Variants in IGSF21 observed in about 807,000 individuals in gnomAD.
IGSF21 encodes immunoglobin superfamily member 21.
In IGSF21, 28 loss-of-function variants were observed where a neutral mutation model predicts 46.8. That is an observed-to-expected ratio of 0.60 (90% CI 0.44 to 0.82). IGSF21 has a LOEUF of 0.82. Ranked by LOEUF, IGSF21 falls within the 40% of genes least tolerant of loss-of-function variation. The pLI is 0.00. For synonymous variants in IGSF21, 284 were observed against 273.6 expected, an observed-to-expected ratio of 1.04 and a Z score of -0.38; for missense variants, 624 against 665.5, an observed-to-expected ratio of 0.94 and a Z score of 0.69.
intron 6 of IGSF21, among the ~76,000 whole-genome samples, chr1:18,372,801 G>A (rs904103655): frequency 4.7e-5 from 7 of 148,934 alleles, no homozygotes; most frequent in African/African-American, 1.7e-4. Context: ...TGAATAGATG[G>A]ATGTTTGGAA....
At chr1:18,120,992 C>A (rs1162694799) in intron 1 of IGSF21, among the ~76,000 whole-genome samples, 1 of 152,166 alleles carries the variant, frequency 6.6e-6, no homozygotes, top group Non-Finnish European at 1.5e-5. Context: ...CACCCTATTT[C>A]ACACGGAGAC....
rs957345670 is a variant in IGSF21 at position 18,155,683 on chromosome 1, A to G, written c.70+47485A>G. ...GACCATCTTGGCAAGCCTGAAATCA[A>G]GAAAGACAGCCAGGCTTGGGGAACT... is the stretch of plus-strand genomic sequence containing the variant. On this transcript the variant is annotated intron_variant, in intron 1 of 9. Transcript: ENST00000251296. Among the ~76,000 whole-genome samples, 6 of 152,252 alleles carry G rather than the reference A, an allele frequency of 3.9e-5. No homozygotes were observed. In the South Asian group the frequency reaches 8.3e-4, roughly 21 times the overall value.
chr1:18,249,778 C>G (rs767783677), intron 2 of IGSF21, among the ~76,000 whole-genome samples: 6 of 152,168 alleles, frequency 3.9e-5, no homozygotes, highest in Non-Finnish European at 7.3e-5. Flanking sequence ...CTCTACTGGC[C>G]CACAGTTGTG....
chr1:18,376,738 C>T (rs1045038663), intron 7 of IGSF21, 62 bp from the exon 8 acceptor site: 2 of 1,497,276 alleles, frequency 1.3e-6, no homozygotes, highest in African/African-American at 2.8e-5. Context: ...GCCCCTGACC[C>T]CTTGCTGATC....
intron 1 of IGSF21, among the ~76,000 whole-genome samples, chr1:18,154,361 T>G (rs1368784365): frequency 2.0e-5 from 3 of 152,004 alleles, no homozygotes; most frequent in Non-Finnish European, 4.4e-5. Context: ...CAGCCCTCTT[T>G]CCTATATCAA....
rs1025401408 is a variant in IGSF21 at position 18,350,840 on chromosome 1, G to A, written c.425-11275G>A. 4.6e-5 allele frequency among the ~76,000 whole-genome samples: 7 copies of A among 152,126 alleles called. No individual in the cohort carries two copies. In the South Asian group the frequency reaches 1.2e-3, roughly 27 times the overall value. The stretch of plus-strand genomic sequence containing the variant: ...GAAAGACGTGGCCACAGAGCCCCCC[G>A]GGAAATCTCCCGCTTGAAGGAAAGC... On this transcript the variant is annotated intron_variant, in intron 4 of 9. Coordinates refer to ENST00000251296, the MANE Select transcript of IGSF21 (RefSeq NM_032880.5).
At chr1:18,254,556 T>G (rs984225901) in intron 2 of IGSF21, among the ~76,000 whole-genome samples, 4 of 152,160 alleles carry the variant, frequency 2.6e-5, no homozygotes, top group East Asian at 1.9e-4. Context: ...TGGGCCCTGG[T>G]CCCTCTTGTC....
intron 1 of IGSF21, among the ~76,000 whole-genome samples, chr1:18,161,446 T>G (rs1011543477): frequency 6.6e-6 from 1 of 152,108 alleles, no homozygotes; most frequent in Non-Finnish European, 1.5e-5. Context: ...AATGCCAGCT[T>G]GAGTCCCAGA....
In IGSF21 at chr1:18,168,592, CCTCT is replaced by C. The variant is rs368021118; in HGVS notation, c.71-59302_71-59299del. On this transcript the variant is annotated intron_variant, in intron 1 of 9. Transcript: ENST00000251296. Reference sequence around the variant, plus strand: ...AGACCCTGTCACTTTATCGCCTGTCCCTCTCTCCTTCTTTCACTCAGCCTTCTCC... The same window carrying C: ...AGACCCTGTCACTTTATCGCCTGTCCCTCCTTCTTTCACTCAGCCTTCTCC... Among the ~76,000 whole-genome samples, 12 of 152,264 alleles carry C rather than the reference CCTCT, an allele frequency of 7.9e-5. 1 individual carries two copies. The highest frequency in any genetic ancestry group is 2.6e-4 in the African/African-American group (11 of 41,542).
chr1:18,362,864 C>G (rs1346116709), intron 5 of IGSF21, among the ~76,000 whole-genome samples: 2 of 152,116 alleles, frequency 1.3e-5, no homozygotes, highest in East Asian at 3.9e-4. Context: ...GCAGGAGGTG[C>G]AGCGTCCAGA....
chr1:18,191,536 G>A (rs1487139052), intron 1 of IGSF21, among the ~76,000 whole-genome samples: 3 of 152,098 alleles, frequency 2.0e-5, no homozygotes, highest in Non-Finnish European at 4.4e-5. Context: ...TCCAGGCAAA[G>A]GGAATGGGAT....
rs10557379 is a variant in IGSF21 at position 18,187,220 on chromosome 1, CAG to C, written c.71-40656_71-40655del. Among the ~76,000 whole-genome samples, 142 of 150,498 alleles carry C rather than the reference CAG, an allele frequency of 9.4e-4. No homozygotes were observed. In the Middle Eastern group the frequency reaches 0.017, roughly 18 times the overall value. ...TCTGAATATGGCAGAGAGAGAGATACAGAGAGAGAGAGAGAGAGAGAGAAAGA... is the reference window on the plus strand; with the variant it reads ...TCTGAATATGGCAGAGAGAGAGATACAGAGAGAGAGAGAGAGAGAGAAAGA... On this transcript the variant is annotated intron_variant, in intron 1 of 9. Transcript: ENST00000251296.
rs145401190 is a variant in IGSF21, at chr1:18,226,246, C to T, written c.71-1652C>T. On this transcript the variant is annotated intron_variant, in intron 1 of 9. Coordinates refer to ENST00000251296, the MANE Select transcript of IGSF21 (RefSeq NM_032880.5). ...CACCCACAGGCCCCCGTCCGCCTAC[C>T]TAGAGGCTGGCTGGTCACCTGAGTG... 5.9e-3 allele frequency among the ~76,000 whole-genome samples: 903 copies of T among 152,308 alleles called. 7 individuals carry two copies. The highest frequency in any genetic ancestry group is 0.024 in the Middle Eastern group (7 of 294).
At chr1:18,221,868 G>A (rs2084513638) in intron 1 of IGSF21, among the ~76,000 whole-genome samples, 1 of 152,178 alleles carries the variant, frequency 6.6e-6, no homozygotes, top group Non-Finnish European at 1.5e-5. Flanking sequence ...CAAAAGGAAG[G>A]TGGGAAGGTG....
At chr1:18,249,788 G>A (rs1216198283) in intron 2 of IGSF21, among the ~76,000 whole-genome samples, 1 of 152,168 alleles carries the variant, frequency 6.6e-6, no homozygotes, top group African/African-American at 2.4e-5. Flanking sequence ...CCACAGTTGT[G>A]GATGGGAAAC....
rs1447903702 is a variant in IGSF21, at chr1:18,372,870, A to ATGGATGGG, written c.1016-3433_1016-3432insGTGGATGG. Reference sequence around the variant, plus strand: ...GATGGATGGATGGATGGATGGGTGGATGGATGGATGGATGGATGGATGAGT... The same window carrying ATGGATGGG: ...GATGGATGGATGGATGGATGGGTGGATGGATGGGTGGATGGATGGATGGATGGATGAGT... On this transcript the variant is annotated intron_variant, in intron 6 of 9. Coordinates refer to ENST00000251296, the MANE Select transcript of IGSF21 (RefSeq NM_032880.5). 5.4e-3 allele frequency among the ~76,000 whole-genome samples: 387 copies of ATGGATGGG among 71,012 alleles called. 1 individual carries two copies. Among genetic ancestry groups the ATGGATGGG allele is most frequent in the African/African-American group, 0.016 (346 of 21,200 alleles). The allele number at this position is 71,012 out of a possible 152,430, so 46.6% of individuals were successfully genotyped here.
chr1:18,155,260 G>A (rs1311601136), intron 1 of IGSF21, among the ~76,000 whole-genome samples: 1 of 152,136 alleles, frequency 6.6e-6, no homozygotes, highest in East Asian at 1.9e-4. Flanking sequence ...AGCACGGGAT[G>A]GGACATAGAG....
intron 1 of IGSF21, among the ~76,000 whole-genome samples, chr1:18,126,216 G>A (rs1397506487): frequency 2.2e-5 from 1 of 46,020 alleles, no homozygotes; most frequent in Admixed American, 1.6e-4. Context: ...CTGAGAGCTC[G>A]CTCGCTTTGG....
intron 1 of IGSF21, among the ~76,000 whole-genome samples, chr1:18,185,232 G>A (rs1371216399): frequency 6.6e-6 from 1 of 152,138 alleles, no homozygotes; most frequent in African/African-American, 2.4e-5. Context: ...ACAATGAGTG[G>A]GATCCACAGA....
Sources: gnomAD v4.1 joint callset for allele counts (sites outside exome capture counted in the v4.1 genomes callset) on GRCh38, gnomAD v4.1.1 for gene constraint, MANE v1.5 for transcripts, NCBI Gene and HGNC (gene_info 2026-07-23, HGNC 2026-07-21) for gene names.